PARD3B: variants seen among roughly 807,000 people sequenced by gnomAD.
PARD3B encodes par-3 family cell polarity regulator beta.
In PARD3B, 103 loss-of-function variants were observed where a neutral mutation model predicts 130.2. The observed-to-expected ratio is 0.79, with a 90% CI of 0.67 to 0.93. The LOEUF (loss-of-function observed/expected upper bound fraction) is 0.93, where lower values mean the gene tolerates loss of function less well. PARD3B is among the 40% of genes least tolerant of loss of function. The pLI, the probability that PARD3B is intolerant of heterozygous loss-of-function variation, is 0.00. For missense variants in PARD3B, 1,609 were observed against 1,499.2 expected (o/e 1.07, Z -1.21); for synonymous variants, 583 against 553.2 (o/e 1.05, Z -0.76).
At chr2:205,354,992 A>G (rs1404556011) in intron 18 of PARD3B, among the ~76,000 whole-genome samples, 3 of 152,184 alleles carry the variant, frequency 2.0e-5, no homozygotes, top group African/African-American at 7.2e-5. Flanking sequence ...TTGATATAAA[A>G]TAGGACTTTG....
At chr2:205,387,041 G>A (rs2045686552) in intron 18 of PARD3B, among the ~76,000 whole-genome samples, 1 of 152,102 alleles carries the variant, frequency 6.6e-6, no homozygotes, top group South Asian at 2.1e-4. Context: ...AAATATGTTG[G>A]TGCTTGCATA....
At chr2:205,578,760 TTATA>T (rs1294651522) in intron 22 of PARD3B, among the ~76,000 whole-genome samples, 7 of 152,358 alleles carry the variant, frequency 4.6e-5, no homozygotes. Flanking sequence ...TATGTCATTA[TTATA>T]TAGATTCTTG....
chr2:205,583,511 G>A (rs563262566), intron 22 of PARD3B, among the ~76,000 whole-genome samples: 32 of 152,254 alleles, frequency 2.1e-4, no homozygotes, highest in African/African-American at 7.5e-4. Flanking sequence ...GATGAAAGCA[G>A]CTGATAGTCA....
chr2:205,025,389 T>C (rs1696939631), intron 3 of PARD3B, among the ~76,000 whole-genome samples: 1 of 152,348 alleles, frequency 6.6e-6, no homozygotes, highest in South Asian at 2.1e-4. Context: ...GTGTGACACA[T>C]GCACAGTGCC....
chr2:205,542,099 C>T (rs1313350388), intron 21 of PARD3B, among the ~76,000 whole-genome samples: 2 of 131,196 alleles, frequency 1.5e-5, no homozygotes, highest in East Asian at 2.3e-4. Context: ...GCTGAGATCA[C>T]GCCACTGCAC....
At chr2:205,084,190 A>G (rs1198976779) in intron 4 of PARD3B, among the ~76,000 whole-genome samples, 2 of 152,140 alleles carry the variant, frequency 1.3e-5, no homozygotes, top group Non-Finnish European at 2.9e-5. Flanking sequence ...TTCTTATTGT[A>G]TAATTGTTTT....
intron 2 of PARD3B, among the ~76,000 whole-genome samples, chr2:204,935,365 T>G (rs989128428): frequency 8.9e-6 from 1 of 111,800 alleles, no homozygotes; most frequent in East Asian, 2.4e-4. Context: ...CTGTCTCTAC[T>G]AAAAATACAA....
In PARD3B at chr2:205,440,720, C is replaced by A; in HGVS notation, c.3044+48C>A. 1 of 1,532,720 alleles carries A rather than the reference C, an allele frequency of 6.5e-7. No homozygotes were observed. The highest frequency in any genetic ancestry group is 9.0e-7 in the Non-Finnish European group (1 of 1,113,958). 94.9% of individuals were successfully genotyped at this position (1,532,720 alleles called of 1,614,324 possible). A position where few individuals can be genotyped will look rare whatever the true frequency, so the allele number is the denominator to read the frequency against. Reference sequence around the variant, plus strand: ...AATGTAGCTTTAATTCAGTATGTTTCAAATCATCTCTACTGCTGAAACCGA... The same window carrying A: ...AATGTAGCTTTAATTCAGTATGTTTAAAATCATCTCTACTGCTGAAACCGA... On this transcript the variant is annotated intron_variant, in intron 20 of 22. Transcript: ENST00000406610. The surrounding 1 kb of genome is among the most constrained non-coding windows in gnomAD (Gnocchi z 4.2).
At chr2:204,941,847 T>C (rs942619102) in intron 2 of PARD3B, among the ~76,000 whole-genome samples, 4 of 152,078 alleles carry the variant, frequency 2.6e-5, no homozygotes, top group Non-Finnish European at 5.9e-5. Flanking sequence ...TGTGTGTATA[T>C]ATATATATTT....
rs549181830 is a variant in PARD3B, at chr2:205,091,098, C to A, written c.505-13328C>A. ...GCAATCTGATTATAGTACACCTTGG[C>A]TGCTTCTAGTTATTCTAGTAATTGT... is the stretch of plus-strand genomic sequence containing the variant. On this transcript the variant is annotated intron_variant, in intron 4 of 22. Transcript: ENST00000406610. This position sits in a 1 kb window ranked among gnomAD's most constrained non-coding sequence, Gnocchi z 4.2. Among the ~76,000 whole-genome samples the A allele has an allele frequency of 7.2e-5, 11 of 152,294 alleles. No homozygotes were observed. In the South Asian group the frequency reaches 2.3e-3, roughly 32 times the overall value.
chr2:204,912,458 C>T (rs967649733), intron 2 of PARD3B, among the ~76,000 whole-genome samples: 4 of 152,136 alleles, frequency 2.6e-5, no homozygotes, highest in African/African-American at 9.7e-5. Flanking sequence ...TCTTGATTCT[C>T]ATAGTGATTT....
intron 1 of PARD3B, among the ~76,000 whole-genome samples, chr2:204,648,639 A>G (rs1266864811): frequency 1.7e-5 from 2 of 118,518 alleles, no homozygotes; most frequent in Non-Finnish European, 3.3e-5. Flanking sequence ...TATATAATAT[A>G]TATTATATAT....
At chr2:205,416,064 G>C (rs1271975349) in intron 19 of PARD3B, among the ~76,000 whole-genome samples, 1 of 152,034 alleles carries the variant, frequency 6.6e-6, no homozygotes, top group Non-Finnish European at 1.5e-5. Context: ...AGGAATATGA[G>C]AAACAGTTTC....
At chr2:205,194,325 A>G (rs1574346863) in intron 15 of PARD3B, among the ~76,000 whole-genome samples, 1 of 152,238 alleles carries the variant, frequency 6.6e-6, no homozygotes. Context: ...TATTTTGTAT[A>G]AATTAACTAA....
chr2:204,960,637 T>C (rs1443507632), intron 2 of PARD3B, among the ~76,000 whole-genome samples: 1 of 152,214 alleles, frequency 6.6e-6, no homozygotes, highest in African/African-American at 2.4e-5. Flanking sequence ...GGTTTTAGTA[T>C]CTGTTTGCCT....
chr2:205,129,930 AG>A (rs541675137), intron 10 of PARD3B, among the ~76,000 whole-genome samples: 1 of 152,150 alleles, frequency 6.6e-6, no homozygotes, highest in Non-Finnish European at 1.5e-5. Context: ...CCTATATTCT[AG>A]TTCGTGTCCT....
intron 2 of PARD3B, among the ~76,000 whole-genome samples, chr2:204,880,657 C>CAAAAAAAAAAAAAAAAAAAAA (rs746023895): frequency 1.8e-5 from 1 of 55,466 alleles, no homozygotes; most frequent in African/African-American, 5.4e-5. Flanking sequence ...GACTCCATCT[C>CAAAAAAAAAAAAAAAAAAAAA]AAAAAAAAAA....
chr2:204,807,144 A>C (rs1459611618), intron 2 of PARD3B, among the ~76,000 whole-genome samples: 1 of 152,154 alleles, frequency 6.6e-6, no homozygotes, highest in African/African-American at 2.4e-5. Flanking sequence ...TGAGAACAGC[A>C]TGGGAAAAAC....
At chr2:204,972,564 A>T (rs900206281) in intron 3 of PARD3B, among the ~76,000 whole-genome samples, 29 of 152,032 alleles carry the variant, frequency 1.9e-4, no homozygotes, top group Non-Finnish European at 2.1e-4. Context: ...AGTTAAATTT[A>T]TACTAAGTTG....
Sources: allele counts gnomAD v4.1 joint callset (sites outside exome capture counted in the v4.1 genomes callset), GRCh38; gene constraint gnomAD v4.1.1; non-coding constraint Gnocchi (gnomAD v3.1); transcripts MANE v1.5; gene names NCBI Gene and HGNC (gene_info 2026-07-23, HGNC 2026-07-21).